NAV2: variants seen among roughly 807,000 people sequenced by gnomAD.
NAV2 encodes helicase, APC down-regulated 1.
In NAV2, 54 loss-of-function variants were observed where a neutral mutation model predicts 223.2. The ratio of observed to expected loss-of-function variants is 0.24; its 90% CI spans 0.19 to 0.30. The LOEUF (loss-of-function observed/expected upper bound fraction) is 0.30, where lower values mean the gene tolerates loss of function less well. Ranked by LOEUF, NAV2 falls within the 10% of genes least tolerant of loss-of-function variation. NAV2 has a pLI of 1.00. For synonymous variants in NAV2, 1,279 were observed against 1,239.3 expected (o/e 1.03, Z -0.67); for missense variants, 2,806 against 3,147.5 (o/e 0.89, Z 2.60).
intron 1 of NAV2, among the ~76,000 whole-genome samples, chr11:19,355,251 GTT>G (rs34213206): frequency 0.28 from 39,810 of 143,018 alleles, 5,449 homozygotes; most frequent in East Asian, 0.45. Flanking sequence ...ATTGTTGGTT[GTT>G]TTTTTTTTTT....
At chr11:19,647,997 T>C (rs1394957359) in intron 1 of NAV2, among the ~76,000 whole-genome samples, 2 of 152,192 alleles carry the variant, frequency 1.3e-5, no homozygotes, top group Non-Finnish European at 2.9e-5. Flanking sequence ...CTTCCCTACA[T>C]TGATGTGGGA....
intron 1 of NAV2, among the ~76,000 whole-genome samples, chr11:19,401,463 A>G (rs1436018299): frequency 5.3e-5 from 8 of 152,184 alleles, no homozygotes; most frequent in African/African-American, 1.9e-4. Flanking sequence ...TCACTGTTGG[A>G]TTTACTGGGC....
chr11:19,400,154 C>CT (rs1291018003), intron 1 of NAV2, among the ~76,000 whole-genome samples: 4 of 152,184 alleles, frequency 2.6e-5, no homozygotes, highest in Non-Finnish European at 5.9e-5. Context: ...AGGAAAAAGA[C>CT]TGAATGCTTC....
chr11:19,792,029 C>T (rs1488431569), intron 1 of NAV2, among the ~76,000 whole-genome samples: 1 of 152,134 alleles, frequency 6.6e-6, no homozygotes, highest in Non-Finnish European at 1.5e-5. Context: ...CTGTCCTGGG[C>T]ATGGTGGGGG....
At chr11:19,357,340 G>A (rs571254302) in intron 1 of NAV2, among the ~76,000 whole-genome samples, 2 of 152,190 alleles carry the variant, frequency 1.3e-5, no homozygotes, top group African/African-American at 4.8e-5. Flanking sequence ...TAGGTTGTTT[G>A]GTATTTGTTA....
rs142979048 is a variant in NAV2, at chr11:19,442,197, C to T, written c.75+91170C>T. Among the ~76,000 whole-genome samples, 1,197 of 152,324 alleles carry T rather than the reference C, an allele frequency of 7.9e-3. 15 individuals are homozygous for T. The highest frequency in any genetic ancestry group is 0.028 in the African/African-American group (1,145 of 41,566). ...GGGAGACTGTGTGCACTCACACCTGCACTCTCCCTCCTCCCCATCATCCCA... is the reference window on the plus strand; with the variant it reads ...GGGAGACTGTGTGCACTCACACCTGTACTCTCCCTCCTCCCCATCATCCCA... On this transcript the variant is annotated intron_variant, in intron 1 of 37. Transcript: ENST00000360655.
chr11:19,669,199 C>T (rs1329345004), intron 1 of NAV2, among the ~76,000 whole-genome samples: 3 of 152,242 alleles, frequency 2.0e-5, no homozygotes, highest in African/African-American at 7.2e-5. Flanking sequence ...AAGCTATCTG[C>T]AAGATGGGCT....
At chr11:20,074,481 A>G (rs1338187694) in intron 22 of NAV2, among the ~76,000 whole-genome samples, 3 of 152,114 alleles carry the variant, frequency 2.0e-5, no homozygotes, top group Non-Finnish European at 4.4e-5. Flanking sequence ...CAAGTCCTGG[A>G]TATCCTTGTT....
intron 1 of NAV2, among the ~76,000 whole-genome samples, chr11:19,515,870 G>A (rs567277661): frequency 6.6e-4 from 100 of 152,320 alleles, no homozygotes; most frequent in African/African-American, 2.1e-3. Flanking sequence ...TGAGGCATGT[G>A]AGTGACAGAA....
chr11:19,879,447 C>T (rs560946152), intron 4 of NAV2, among the ~76,000 whole-genome samples: 2 of 152,166 alleles, frequency 1.3e-5, no homozygotes, highest in East Asian at 3.9e-4. Flanking sequence ...AGTGGGACAG[C>T]AGCCACTTGG....
At chr11:19,717,274 G>T (rs1024915267) in intron 1 of NAV2, among the ~76,000 whole-genome samples, 1 of 152,244 alleles carries the variant, frequency 6.6e-6, no homozygotes, top group African/African-American at 2.4e-5. Context: ...CATGGCCTGG[G>T]CCTTGGGGAT....
intron 11 of NAV2, among the ~76,000 whole-genome samples, chr11:20,001,773 G>C (rs954910580): frequency 1.3e-5 from 2 of 151,982 alleles, no homozygotes; most frequent in South Asian, 2.1e-4. Context: ...GTTAATGGGT[G>C]CAGCACACCA....
chr11:19,685,607 G>C (rs934808635), intron 1 of NAV2, among the ~76,000 whole-genome samples: 7 of 152,142 alleles, frequency 4.6e-5, no homozygotes, highest in Non-Finnish European at 8.8e-5. Context: ...TTTATTTGGG[G>C]TTGAAAGATT....
chr11:19,439,439 A>G (rs1851323794), intron 1 of NAV2, among the ~76,000 whole-genome samples: 1 of 152,222 alleles, frequency 6.6e-6, no homozygotes, highest in African/African-American at 2.4e-5. Flanking sequence ...TGGGCACCAC[A>G]TAATCACACC....
At chr11:19,784,863 A>G (rs1481020348) in intron 1 of NAV2, among the ~76,000 whole-genome samples, 1 of 152,216 alleles carries the variant, frequency 6.6e-6, no homozygotes, top group African/African-American at 2.4e-5. Flanking sequence ...CTGACACCTC[A>G]TAAAGAGTCA....
intron 11 of NAV2, among the ~76,000 whole-genome samples, chr11:19,987,612 A>C (rs2050909176): frequency 6.6e-6 from 1 of 152,254 alleles, no homozygotes; most frequent in Non-Finnish European, 1.5e-5. Flanking sequence ...GGGTATCTTC[A>C]GGGTTATTAA....
intron 2 of NAV2, among the ~76,000 whole-genome samples, chr11:19,840,235 C>T (rs1179525381): frequency 6.6e-6 from 1 of 151,758 alleles, no homozygotes; most frequent in Non-Finnish European, 1.5e-5. Flanking sequence ...TAGGCTTTAC[C>T]CCATCAGTTT....
chr11:19,481,901 C>T (rs1426729139), intron 1 of NAV2, among the ~76,000 whole-genome samples: 1 of 152,202 alleles, frequency 6.6e-6, no homozygotes, highest in African/African-American at 2.4e-5. Flanking sequence ...TGTTGGACCT[C>T]AGGCACTTTA....
chr11:19,593,263 C>A (rs189602785), intron 1 of NAV2, among the ~76,000 whole-genome samples: 1 of 152,252 alleles, frequency 6.6e-6, no homozygotes, highest in African/African-American at 2.4e-5. Flanking sequence ...ACCTTTTAAG[C>A]TTGGCTTTTG....
Sources: allele counts gnomAD v4.1 joint callset (sites outside exome capture counted in the v4.1 genomes callset), GRCh38; gene constraint gnomAD v4.1.1; transcripts MANE v1.5; gene names NCBI Gene and HGNC (gene_info 2026-07-23, HGNC 2026-07-21).